DLC1: variants seen among roughly 807,000 people sequenced by gnomAD.
DLC1 encodes rho GTPase-activating protein 7.
A neutral mutation model predicts 140.3 loss-of-function variants in DLC1; 54 were observed. That is an observed-to-expected ratio of 0.38 (90% CI 0.31 to 0.48). The LOEUF is 0.48. Among genes scored for constraint, DLC1 ranks in the 20% least tolerant of loss-of-function variants. The probability of loss-of-function intolerance (pLI) is 0.96; values close to 1 mark genes in which losing one functional copy is unlikely to be tolerated. For synonymous variants in DLC1, 986 were observed against 728.1 expected (o/e 1.35, Z -5.70); for missense variants, 2,536 against 1,907.0 (o/e 1.33, Z -6.14).
At chr8:13,255,807 A>G (rs1020930970) in intron 5 of DLC1, among the ~76,000 whole-genome samples, 5 of 152,226 alleles carry the variant, frequency 3.3e-5, no homozygotes, top group African/African-American at 7.2e-5. Flanking sequence ...TCGTCTTTGC[A>G]GCAATTGGCA....
At chr8:13,162,561 G>C (rs1258081645) in intron 5 of DLC1, among the ~76,000 whole-genome samples, 1 of 152,124 alleles carries the variant, frequency 6.6e-6, no homozygotes, top group African/African-American at 2.4e-5. Context: ...GACCTCAGGC[G>C]ATCTCCCCGC....
intron 1 of DLC1, among the ~76,000 whole-genome samples, chr8:13,554,565 G>A (rs910760874): frequency 6.6e-6 from 1 of 152,128 alleles, no homozygotes; most frequent in Admixed American, 6.5e-5. Context: ...CACTCATGGT[G>A]ACTCAATCCT....
intron 1 of DLC1, among the ~76,000 whole-genome samples, chr8:13,600,222 C>A (rs1048568283): frequency 1.3e-5 from 2 of 151,834 alleles, no homozygotes; most frequent in African/African-American, 2.4e-5. Flanking sequence ...AAGAGACATA[C>A]CTGTTTCTCA....
intron 5 of DLC1, among the ~76,000 whole-genome samples, chr8:13,295,949 T>TTG (rs1831931444): frequency 1.7e-5 from 2 of 119,618 alleles, no homozygotes; most frequent in African/African-American, 3.3e-5. Flanking sequence ...TTTGTTTTTT[T>TTG]TTTTTTTTTT....
At chr8:13,544,864 C>G (rs887285705) in intron 1 of DLC1, among the ~76,000 whole-genome samples, 1 of 152,044 alleles carries the variant, frequency 6.6e-6, no homozygotes. Flanking sequence ...TTCTATAATG[C>G]TGCTTAAATA....
rs1161015085 is a variant in DLC1, at chr8:13,104,144, G to T, written c.1503-1291C>A. Among the ~76,000 whole-genome samples the T allele has an allele frequency of 2.0e-5, 3 of 151,972 alleles. No homozygotes were observed. The South Asian group carries it at 6.2e-4, about 32-fold the overall frequency. On this transcript the variant is annotated intron_variant, in intron 7 of 17. Coordinates refer to ENST00000276297, the MANE Select transcript of DLC1 (RefSeq NM_182643.3). ...ATAGGACAATATAATGTGTGCTATAGTCACGGCAAATGATCATTTAAAGAA... is the reference window on the plus strand; with the variant it reads ...ATAGGACAATATAATGTGTGCTATATTCACGGCAAATGATCATTTAAAGAA...
At chr8:13,128,800 A>T (rs982622820) in intron 5 of DLC1, among the ~76,000 whole-genome samples, 1 of 151,200 alleles carries the variant, frequency 6.6e-6, no homozygotes, top group Non-Finnish European at 1.5e-5. Context: ...GCGCCACTGC[A>T]CTCCAGCCTG....
intron 2 of DLC1, among the ~76,000 whole-genome samples, chr8:13,430,436 G>A (rs1838811004): frequency 6.6e-6 from 1 of 152,160 alleles, no homozygotes; most frequent in Admixed American, 6.5e-5. Flanking sequence ...GGTTATTGGA[G>A]ACCTTTCATC....
rs1007539467 is a variant in DLC1, at chr8:13,254,184, A to T, written c.1348+51085T>A. On this transcript the variant is annotated intron_variant, in intron 5 of 17. Coordinates refer to ENST00000276297, the MANE Select transcript of DLC1 (RefSeq NM_182643.3). ...CCAACCCGACCCCCTAAATAAAATT[A>T]AAAAAAAAAAGAATAAAGAAAAGAA... 2.1e-4 allele frequency among the ~76,000 whole-genome samples: 24 copies of T among 116,356 alleles called. 1 individual carries two copies. The highest frequency in any genetic ancestry group is 1.3e-3 in the South Asian group (4 of 3,144). 76.3% of individuals were successfully genotyped at this position (116,356 alleles called of 152,430 possible).
At chr8:13,295,029 T>C (rs1384070946) in intron 5 of DLC1, among the ~76,000 whole-genome samples, 1 of 152,212 alleles carries the variant, frequency 6.6e-6, no homozygotes, top group African/African-American at 2.4e-5. Context: ...GTTAAGAGGC[T>C]GGCATTACCA....
At chr8:13,100,907 T>C (rs1315378881) in intron 8 of DLC1, 137 bp from the exon 9 acceptor site, 1 of 362,842 alleles carries the variant, frequency 2.8e-6, no homozygotes, top group Admixed American at 8.2e-5. Context: ...TTTTAAAGTT[T>C]TTTTTTTTTT....
chr8:13,472,204 A>T (rs923278084), intron 2 of DLC1, among the ~76,000 whole-genome samples: 7 of 151,408 alleles, frequency 4.6e-5, no homozygotes, highest in Admixed American at 3.3e-4. Flanking sequence ...TGAGAGACTG[A>T]GAGCAATATC....
At chr8:13,602,839 C>T (rs925932196) in intron 1 of DLC1, among the ~76,000 whole-genome samples, 5 of 151,754 alleles carry the variant, frequency 3.3e-5, no homozygotes, top group African/African-American at 7.3e-5. Flanking sequence ...TTTTATCCCA[C>T]GTTACTTAAA....
At chr8:13,102,416 T>A (rs537739227) in intron 8 of DLC1, among the ~76,000 whole-genome samples, 1 of 152,128 alleles carries the variant, frequency 6.6e-6, no homozygotes, top group East Asian at 1.9e-4. Context: ...AGCACAGTTA[T>A]TGTTATATTT....
intron 3 of DLC1, among the ~76,000 whole-genome samples, chr8:13,397,385 G>A (rs1167000717): frequency 2.0e-5 from 3 of 152,112 alleles, no homozygotes; most frequent in Non-Finnish European, 4.4e-5. Context: ...AAAATGGAGA[G>A]CAGCCAGAAG....
chr8:13,560,861 G>C (rs1804217067), intron 1 of DLC1, among the ~76,000 whole-genome samples: 1 of 152,140 alleles, frequency 6.6e-6, no homozygotes, highest in South Asian at 2.1e-4. Context: ...CAGTCAAGGA[G>C]AGAGGCCTGG....
intron 5 of DLC1, among the ~76,000 whole-genome samples, chr8:13,267,629 A>G (rs1830743168): frequency 6.6e-6 from 1 of 152,290 alleles, no homozygotes; most frequent in East Asian, 1.9e-4. Context: ...AGTGTCAACA[A>G]TCAGATGTTA....
At chr8:13,306,440 A>G (rs1036077122) in intron 4 of DLC1, among the ~76,000 whole-genome samples, 7 of 152,078 alleles carry the variant, frequency 4.6e-5, no homozygotes, top group African/African-American at 1.7e-4. Flanking sequence ...CTTCCACCCC[A>G]TAATCACTGA....
chr8:13,504,217 C>T (rs930828717), intron 1 of DLC1, among the ~76,000 whole-genome samples: 2 of 150,584 alleles, frequency 1.3e-5, no homozygotes, highest in African/African-American at 4.9e-5. Context: ...ACCTCTGCCT[C>T]CTGGGTTCAA....
Sources: gnomAD v4.1 joint callset for allele counts (sites outside exome capture counted in the v4.1 genomes callset) on GRCh38, gnomAD v4.1.1 for gene constraint, MANE v1.5 for transcripts, NCBI Gene and HGNC (gene_info 2026-07-23, HGNC 2026-07-21) for gene names.